Variants in LONP1 observed in about 807,000 individuals in gnomAD.
The protein encoded by LONP1 is lon peptidase 1, mitochondrial.
A neutral mutation model predicts 98.5 loss-of-function variants in LONP1; 31 were observed. The ratio of observed to expected loss-of-function variants is 0.31; its 90% confidence interval spans 0.24 to 0.42. LONP1 has a LOEUF of 0.42. Among genes scored for constraint, LONP1 ranks in the 20% least tolerant of loss-of-function variants. The pLI, the probability that LONP1 is intolerant of heterozygous loss-of-function variation, is 1.00. For synonymous variants in LONP1, 781 were observed against 594.7 expected, an observed-to-expected ratio of 1.31 and a Z score of -4.56; for missense variants, 1,336 against 1,350.6, an observed-to-expected ratio of 0.99 and a Z score of 0.17.
At chr19:5,703,231 G>A (rs1487388345) in intron 8 of LONP1, among the ~76,000 whole-genome samples, 1 of 151,712 alleles carries the variant, frequency 6.6e-6, no homozygotes, top group South Asian at 2.1e-4. Flanking sequence ...AAAGCACCCA[G>A]TGCAGGAAGG....
intron 8 of LONP1, among the ~76,000 whole-genome samples, chr19:5,703,981 G>A (rs117398409): frequency 0.017 from 2,662 of 152,274 alleles, 45 homozygotes; most frequent in East Asian, 0.035. Context: ...AAACATCTAC[G>A]TTCTCCCCCC....
rs566988821 is a variant in LONP1, at chr19:5,696,856, G to GC, written c.1686-100dup. ...GGCCACAGGGGAGAGGCCACCTGGA[G>GC]CCCCACAAGATGTGGCCATGATGTG... On this transcript the variant is annotated intron_variant, in intron 10 of 17. Transcript: ENST00000360614. 5.5e-4 allele frequency: 411 copies of GC among 752,414 alleles called. 2 individuals carry two copies. In the East Asian group the frequency reaches 8.8e-3, roughly 16 times the overall value. 46.6% of individuals were successfully genotyped at this position (752,414 alleles called of 1,614,324 possible).
At chr19:5,720,278 G>C, upstream of LONP1, 35 of 1,185,048 alleles carry the variant, frequency 3.0e-5, no homozygotes, top group Non-Finnish European at 3.9e-5. Flanking sequence ...CGGAGAAGAG[G>C]GGGCGGAGTT....
intron 1 of LONP1, among the ~76,000 whole-genome samples, chr19:5,718,964 C>A (rs2055373851): frequency 6.6e-6 from 1 of 152,172 alleles, no homozygotes; most frequent in African/African-American, 2.4e-5. Flanking sequence ...AGCCTCCTGT[C>A]CCATCCATGC....
In LONP1 at chr19:5,708,468, G is replaced by GGC; in HGVS notation, c.871-66_871-65insGC. The GGC allele has an allele frequency of 2.0e-5, 11 of 551,234 alleles. No homozygotes were observed. In the East Asian group the frequency reaches 3.3e-4, roughly 17 times the overall value. The allele number at this position is 551,234 out of a possible 1,614,324, so 34.1% of individuals were successfully genotyped here. Reference sequence around the variant, plus strand: ...CTCCAGCAGGGGGTGGGCTGGGTGGGAGCATGGCCCTGGGAGCCCCACCCA... The same window carrying GGC: ...CTCCAGCAGGGGGTGGGCTGGGTGGGGCAGCATGGCCCTGGGAGCCCCACCCA... On this transcript the variant is annotated intron_variant, in intron 4 of 17. Coordinates refer to ENST00000360614, the MANE Select transcript of LONP1 (RefSeq NM_004793.4).
In LONP1 at chr19:5,714,285, G is replaced by A; in HGVS notation, c.430-14C>T. ...CTTATTTTTAACCTAGCATGACAAT[G>A]ACCCCAAAGTGAAATGCAGAGTAGA... On this transcript the variant is annotated splice_polypyrimidine_tract_variant and intron_variant, in intron 1 of 17. Coordinates refer to ENST00000360614, the MANE Select transcript of LONP1 (RefSeq NM_004793.4). 1 of 1,586,880 alleles carries A rather than the reference G, an allele frequency of 6.3e-7. No homozygotes were observed. The highest frequency in any genetic ancestry group is 1.1e-5 in the South Asian group (1 of 89,886).
At position 5,692,032 on chromosome 19, in the gene LONP1, TCACCGTTCCACGGCCAGCG is replaced by T. The variant is rs1414692214; in HGVS notation, c.2861_2879del (p.Ala954AspfsTer56). ...GCCGCCTGCAGTCCCGGGGTGGCCGTCACCGTTCCACGGCCAGCGCCTCTGCCTGCTCGTCCGGGAAGGC... is the reference window on the plus strand; with the variant it reads ...GCCGCCTGCAGTCCCGGGGTGGCCGTCCTCTGCCTGCTCGTCCGGGAAGGC... On this transcript the variant is annotated frameshift_variant and stop_lost, in exon 18 of 18. Transcript: ENST00000360614. LOFTEE classifies it high-confidence loss of function. 5 of 1,325,306 alleles carry T rather than the reference TCACCGTTCCACGGCCAGCG, an allele frequency of 3.8e-6. No homozygotes were observed. The highest frequency in any genetic ancestry group is 5.2e-6 in the Non-Finnish European group (5 of 958,412). The allele number at this position is 1,325,306 out of a possible 1,614,324, so 82.1% of individuals were successfully genotyped here.
At position 5,696,326 on chromosome 19, in the gene LONP1, G is replaced by A. The variant is rs149685141; in HGVS notation, c.1819C>T (p.Leu607=). The change falls in exon 12 of 18, where the codon CTG becomes TTG. Residue 607 remains leucine, a synonymous_variant. Transcript: ENST00000360614. ...RGYQGDPSSA[L]LELLDPEQNA... ...TGCTCTGGGTCCAGCAGCTCCAGCA[G>A]TGCCGACGACGGGTCCCCCTGGTAG... 1.9e-6 allele frequency: 3 copies of A among 1,613,288 alleles called. No individual in the cohort carries two copies. The highest frequency in any genetic ancestry group is 2.2e-5 in the East Asian group (1 of 44,884).
rs753322674 is a variant in LONP1, at chr19:5,708,415, G to A, written c.871-12C>T. On this transcript the variant is annotated splice_polypyrimidine_tract_variant and intron_variant, in intron 4 of 17. Coordinates refer to ENST00000360614, the MANE Select transcript of LONP1 (RefSeq NM_004793.4). ...TCTGCAGTCAGGGCCTGCCAAGTAT[G>A]GGGCAGGGTCGCTGGGGCCCAGCAG... 1 of 1,608,582 alleles carries A rather than the reference G, an allele frequency of 6.2e-7. No individual in the cohort carries two copies. The highest frequency in any genetic ancestry group is 1.1e-5 in the South Asian group (1 of 91,000).
Position 5,696,837 on chromosome 19 carries a change from A to G in LONP1, c.1686-80T>C, listed in dbSNP as rs955387065. On this transcript the variant is annotated intron_variant, in intron 10 of 17. Transcript: ENST00000360614. Reference sequence around the variant, plus strand: ...GACACCATGCACCCTCCAGGGCCACAGGGGAGAGGCCACCTGGAGCCCCAC... The same window carrying G: ...GACACCATGCACCCTCCAGGGCCACGGGGGAGAGGCCACCTGGAGCCCCAC... 18 of 904,914 alleles carry G rather than the reference A, an allele frequency of 2.0e-5. No homozygotes were observed. The African/African-American group carries it at 2.8e-4, about 14-fold the overall frequency. The allele number at this position is 904,914 out of a possible 1,614,324, so 56.1% of individuals were successfully genotyped here.
At chr19:5,699,277 C>G (rs1204547343) in intron 9 of LONP1, 72 bp from the exon 10 acceptor site, 4 of 1,243,492 alleles carry the variant, frequency 3.2e-6, no homozygotes, top group Non-Finnish European at 4.3e-6. Context: ...CTCTCGCCAC[C>G]TGCACACTGC....
Position 5,691,892 on chromosome 19 carries a change from T to G in LONP1, c.*140A>C, listed in dbSNP as rs1216888423. 11 of 969,366 alleles carry G rather than the reference T, an allele frequency of 1.1e-5. No homozygotes were observed. The highest frequency in any genetic ancestry group is 1.7e-5 in the Non-Finnish European group (11 of 662,194). The allele number at this position is 969,366 out of a possible 1,614,324, so 60.0% of individuals were successfully genotyped here. ...TATGCCACACTCTGATTAAGCCGAC[T>G]GAGGTCCCTGGGATCTGGGTCACTG... On this transcript the variant is annotated 3_prime_UTR_variant, in exon 18 of 18. Transcript: ENST00000360614.
At chr19:5,700,216 C>T (rs891738844) in intron 9 of LONP1, among the ~76,000 whole-genome samples, 5 of 152,188 alleles carry the variant, frequency 3.3e-5, no homozygotes, top group African/African-American at 1.2e-4. Flanking sequence ...TGGGTTCAAG[C>T]GATTCTCCTG....
At chr19:5,715,465 A>G (rs1035625175) in intron 1 of LONP1, among the ~76,000 whole-genome samples, 3 of 150,780 alleles carry the variant, frequency 2.0e-5, no homozygotes, top group African/African-American at 7.3e-5. Flanking sequence ...AACACGGTGA[A>G]ACCCCGTCTC....
In LONP1 at chr19:5,696,217, CA is replaced by C. The variant is rs2054925238; in HGVS notation, c.1896+31del. On this transcript the variant is annotated intron_variant, in intron 12 of 17. Coordinates refer to ENST00000360614, the MANE Select transcript of LONP1 (RefSeq NM_004793.4). ...TGGGGGACTGGCCGCTTACCCTCCC[CA>C]GCAAGCCCAGGCCCCAGACAGGCCC... 4 of 1,612,804 alleles carry C rather than the reference CA, an allele frequency of 2.5e-6. No individual in the cohort carries two copies. In the African/African-American group the frequency reaches 5.3e-5, roughly 21 times the overall value.
In LONP1 at chr19:5,692,152, G is replaced by A. The variant is rs11551013; in HGVS notation, c.2760C>T (p.Phe920=). The change falls in exon 18 of 18, where the codon TTC becomes TTT. Residue 920 remains phenylalanine, a synonymous_variant. Transcript: ENST00000360614. The part of the protein sequence containing the change: ...IVLPAENKKD[F]YDLAAFITEG... ...CGGTGATGAAGGCTGCCAGGTCGTA[G>A]AAGTCCTTCTTGTTCTCGGCTGGCA... The A allele has an allele frequency of 4.3e-6, 7 of 1,614,024 alleles. No individual in the cohort carries two copies. The highest frequency in any genetic ancestry group is 4.5e-5 in the East Asian group (2 of 44,886).
Position 5,707,641 on chromosome 19 carries a change from T to C in LONP1, c.1062+56A>G, listed in dbSNP as rs548425330. On this transcript the variant is annotated intron_variant, in intron 6 of 17. Coordinates refer to ENST00000360614, the MANE Select transcript of LONP1 (RefSeq NM_004793.4). ...GGGGCAGCCGGGCGTGGGCGGAGCATAGTGGAGGTGGGGTGCAGCCAGGCG... is the reference window on the plus strand; with the variant it reads ...GGGGCAGCCGGGCGTGGGCGGAGCACAGTGGAGGTGGGGTGCAGCCAGGCG... 1.9e-6 allele frequency: 3 copies of C among 1,571,464 alleles called. No homozygotes were observed. In the Middle Eastern group the frequency reaches 5.4e-4, roughly 283 times the overall value.
Position 5,696,103 on chromosome 19 carries a change from A to G in LONP1, c.1964T>C (p.Met655Thr), listed in dbSNP as rs765999284. The change falls in exon 13 of 18, where the codon ATG (methionine) becomes ACG (threonine). Residue 655 changes from methionine to threonine, a missense_variant. This residue lies in a region of LONP1 where 555 missense variants were observed against 542.6 expected (regional missense o/e 1.02). Coordinates refer to ENST00000360614, the MANE Select transcript of LONP1 (RefSeq NM_004793.4). ...IPEPLRDRME[M>T]INVSGYVAQE... is the part of the protein sequence containing the mutation. ...GGCCACGTAGCCCGACACGTTGATC[A>G]TCTCCATACGGTCTCGCAGCGGCTC... The G allele has an allele frequency of 6.2e-7, 1 of 1,613,116 alleles. No homozygotes were observed. The highest frequency in any genetic ancestry group is 8.5e-7 in the Non-Finnish European group (1 of 1,179,888).
chr19:5,719,443 C>G (rs1045994529), intron 1 of LONP1, among the ~76,000 whole-genome samples: 2 of 152,168 alleles, frequency 1.3e-5, no homozygotes, highest in African/African-American at 4.8e-5. Flanking sequence ...ATTTCTATGA[C>G]CGGCGTTCTA....
Sources: allele counts gnomAD v4.1 joint callset (sites outside exome capture counted in the v4.1 genomes callset), GRCh38; gene constraint gnomAD v4.1.1; regional missense constraint gnomAD v4.1.1; transcripts MANE v1.5; gene names NCBI Gene and HGNC (gene_info 2026-07-23, HGNC 2026-07-21).